Variants in SLC9B1 observed in about 807,000 individuals in gnomAD.
SLC9B1 encodes solute carrier family 9 member B1.
Under a neutral mutation model 51.7 loss-of-function variants are expected in SLC9B1, and 32 were observed. That is an observed-to-expected ratio of 0.62 (90% CI 0.47 to 0.83). The LOEUF (loss-of-function observed/expected upper bound fraction) is 0.83, where lower values mean the gene tolerates loss of function less well. SLC9B1 is among the 40% of genes least tolerant of loss of function. SLC9B1 has a pLI of 0.00. For missense variants in SLC9B1, 406 were observed against 613.2 expected (o/e 0.66, Z 3.57); for synonymous variants, 145 against 212.7 (o/e 0.68, Z 2.77).
chr4:102,916,844 T>C (rs1048356566), intron 7 of SLC9B1, among the ~76,000 whole-genome samples: 3 of 152,192 alleles, frequency 2.0e-5, no homozygotes, highest in Non-Finnish European at 2.9e-5. Flanking sequence ...TTGGCCTGTA[T>C]GGTTAATATT....
At chr4:102,973,930 C>G (rs999572437) in intron 3 of SLC9B1, among the ~76,000 whole-genome samples, 1 of 151,924 alleles carries the variant, frequency 6.6e-6, no homozygotes, top group Non-Finnish European at 1.5e-5. Flanking sequence ...CGTCCACCTT[C>G]GGAAGTTTGG....
rs147516967 is a variant in SLC9B1 at position 102,932,280 on chromosome 4, A to G, written c.673T>C (p.Ser225Pro). 2 of 1,611,590 alleles carry G rather than the reference A, an allele frequency of 1.2e-6. No individual in the cohort carries two copies. Among genetic ancestry groups the G allele is most frequent in the African/African-American group, 2.7e-5 (2 of 74,860 alleles). The change falls in exon 7 of 12, where the codon TCT (serine) becomes CCT (proline). Residue 225 changes from serine to proline, a missense_variant. This residue lies in a region of SLC9B1 where 250 missense variants were observed against 394.1 expected (regional missense o/e 0.63). Coordinates refer to ENST00000296422, the MANE Select transcript of SLC9B1 (RefSeq NM_139173.4). ...FLLGFVLGAV[S>P]PAVVVPYMMV... ...ATGTAAGGGACAACAACAGCAGGAG[A>G]GACAGCACCTAGAACAAAACTGAAA...
downstream of SLC9B1, chr4:102,898,059 C>T (rs1375991047): frequency 8.7e-6 from 4 of 460,500 alleles, no homozygotes; most frequent in South Asian, 6.5e-5. Context: ...ATGCCCTAGT[C>T]GTGCTGGTAA....
At chr4:102,980,758 A>C (rs1739310405) in intron 3 of SLC9B1, among the ~76,000 whole-genome samples, 1 of 152,120 alleles carries the variant, frequency 6.6e-6, no homozygotes, top group Non-Finnish European at 1.5e-5. Flanking sequence ...ATGAAAAAAA[A>C]ATCCCGGCTC....
At chr4:102,965,009 A>ACACC (rs1738346623) in intron 3 of SLC9B1, among the ~76,000 whole-genome samples, 1 of 152,078 alleles carries the variant, frequency 6.6e-6, no homozygotes, top group South Asian at 2.1e-4. Flanking sequence ...CCACACACAC[A>ACACC]CACCCACATA....
intron 3 of SLC9B1, among the ~76,000 whole-genome samples, chr4:102,980,854 A>T (rs1001373473): frequency 6.6e-6 from 1 of 152,178 alleles, no homozygotes; most frequent in African/African-American, 2.4e-5. Flanking sequence ...CATCATGGTC[A>T]CCCAAAGTTC....
chr4:102,946,523 C>G, intron 5 of SLC9B1, 124 bp downstream of exon 5: 30 of 1,107,446 alleles, frequency 2.7e-5, no homozygotes, highest in East Asian at 2.9e-5. Context: ...GCCTTTTTTT[C>G]TTTATCTTAG....
At chr4:103,008,785 C>A (rs1181609742) in intron 1 of SLC9B1, among the ~76,000 whole-genome samples, 4 of 141,832 alleles carry the variant, frequency 2.8e-5, no homozygotes, top group Admixed American at 7.2e-5. Flanking sequence ...GATCTAAGGG[C>A]TTTAACAGTT....
chr4:102,901,540 G>C (rs12171462), intron 11 of SLC9B1, among the ~76,000 whole-genome samples: 2 of 139,552 alleles, frequency 1.4e-5, no homozygotes, highest in Non-Finnish European at 3.1e-5. Context: ...CAAATCAGCA[G>C]GCAAACATTT....
At chr4:102,894,326 A>C (rs1263370459) in intron 11 of SLC9B1, among the ~76,000 whole-genome samples, 1 of 152,226 alleles carries the variant, frequency 6.6e-6, no homozygotes, top group African/African-American at 2.4e-5. Context: ...ATTATTTGTT[A>C]TTAAAGATTA....
intron 7 of SLC9B1, among the ~76,000 whole-genome samples, chr4:102,929,772 T>C (rs9991335): frequency 0.37 from 56,749 of 152,150 alleles, 10,705 homozygotes; most frequent in African/African-American, 0.44. Context: ...TCCACCCACT[T>C]TGGCCTCCCA....
At chr4:103,017,606 G>T (rs887206194) in intron 1 of SLC9B1, among the ~76,000 whole-genome samples, 1 of 152,110 alleles carries the variant, frequency 6.6e-6, no homozygotes, top group African/African-American at 2.4e-5. Flanking sequence ...TACCTGTAGT[G>T]CGCTGATCCC....
chr4:102,996,100 T>G (rs1393090508), intron 1 of SLC9B1, among the ~76,000 whole-genome samples: 2 of 152,170 alleles, frequency 1.3e-5, no homozygotes, highest in Non-Finnish European at 2.9e-5. Context: ...TTTTTTCTTT[T>G]AACTGTTGTG....
chr4:103,019,495 G>T, intron 1 of SLC9B1, 104 bp downstream of exon 1: 2 of 762,228 alleles, frequency 2.6e-6, no homozygotes, highest in Non-Finnish European at 3.2e-6. Context: ...AACTGAGGGG[G>T]AGGAAAGGCC....
intron 7 of SLC9B1, among the ~76,000 whole-genome samples, chr4:102,930,016 A>C (rs1370157546): frequency 6.6e-6 from 1 of 152,240 alleles, no homozygotes; most frequent in Non-Finnish European, 1.5e-5. Flanking sequence ...TTTCATTCTC[A>C]ATTTAATGCA....
chr4:102,905,950 T>C (rs1735022733), intron 10 of SLC9B1, among the ~76,000 whole-genome samples: 1 of 152,090 alleles, frequency 6.6e-6, no homozygotes, highest in African/African-American at 2.4e-5. Context: ...ATAATTTATT[T>C]TTTGAGAAGG....
At chr4:102,955,032 G>GGA (rs1305221347) in intron 3 of SLC9B1, among the ~76,000 whole-genome samples, 1 of 152,150 alleles carries the variant, frequency 6.6e-6, no homozygotes, top group Non-Finnish European at 1.5e-5. Flanking sequence ...GTTTTGGGTA[G>GGA]GATTGGTAAA....
intron 1 of SLC9B1, among the ~76,000 whole-genome samples, chr4:103,008,060 A>G (rs1265072562): frequency 6.6e-6 from 1 of 152,202 alleles, no homozygotes; most frequent in Non-Finnish European, 1.5e-5. Flanking sequence ...TGATCAGCTC[A>G]GTTTAAAAAA....
intron 2 of SLC9B1, among the ~76,000 whole-genome samples, chr4:102,991,171 AT>A: frequency 6.6e-6 from 1 of 152,080 alleles, no homozygotes; most frequent in East Asian, 1.9e-4. Flanking sequence ...AGAAATCTCT[AT>A]TTTAAAAAAA....
Sources: allele counts gnomAD v4.1 joint callset (sites outside exome capture counted in the v4.1 genomes callset), GRCh38; gene constraint gnomAD v4.1.1; regional missense constraint gnomAD v4.1.1; transcripts MANE v1.5; gene names NCBI Gene and HGNC (gene_info 2026-07-23, HGNC 2026-07-21).